GLRX5: variants seen among roughly 807,000 people sequenced by gnomAD.
GLRX5 encodes the protein glutaredoxin 5.
Under a neutral mutation model 13.8 loss-of-function variants are expected in GLRX5, and 10 were observed. That is an observed-to-expected ratio of 0.72 (90% confidence interval 0.45 to 1.23). The LOEUF (loss-of-function observed/expected upper bound fraction) is 1.23. Among genes scored for constraint, GLRX5 ranks in the 50% most tolerant of loss-of-function variants. GLRX5 has a pLI of 0.00. For synonymous variants in GLRX5, 98 were observed against 101.1 expected (o/e 0.97, Z 0.18); for missense variants, 233 against 215.2 (o/e 1.08, Z -0.52).
At chr14:95,538,926 G>A (rs1233871706) in intron 1 of GLRX5, among the ~76,000 whole-genome samples, 1 of 152,212 alleles carries the variant, frequency 6.6e-6, no homozygotes, top group East Asian at 1.9e-4. Flanking sequence ...CCTAGAGACT[G>A]ACTTCTGCAT....
chr14:95,536,571 C>A (rs894221909), intron 1 of GLRX5, among the ~76,000 whole-genome samples: 1 of 152,166 alleles, frequency 6.6e-6, no homozygotes, highest in Non-Finnish European at 1.5e-5. Context: ...TCTTCTGTGG[C>A]TAATCAGGTG....
chr14:95,542,895 T>C, intron 1 of GLRX5: 1 of 379,230 alleles, frequency 2.6e-6, no homozygotes, highest in Non-Finnish European at 5.4e-6. Context: ...GGAAGTAGAC[T>C]GATGAAGAGG....
intron 1 of GLRX5, among the ~76,000 whole-genome samples, chr14:95,536,700 A>C (rs1891387405): frequency 6.6e-6 from 1 of 152,164 alleles, no homozygotes; most frequent in African/African-American, 2.4e-5. Context: ...CACAGAAAGC[A>C]CCCGGTAAAT....
chr14:95,538,736 G>C (rs1454359576), intron 1 of GLRX5, among the ~76,000 whole-genome samples: 1 of 152,204 alleles, frequency 6.6e-6, no homozygotes, highest in Non-Finnish European at 1.5e-5. Context: ...AGGCTTTGTG[G>C]GCTGTGTGGT....
chr14:95,536,665 A>G (rs1346713829), intron 1 of GLRX5, among the ~76,000 whole-genome samples: 1 of 152,244 alleles, frequency 6.6e-6, no homozygotes, highest in African/African-American at 2.4e-5. Flanking sequence ...TAAAAATTAT[A>G]GAAAGTGTGT....
intron 1 of GLRX5, among the ~76,000 whole-genome samples, chr14:95,535,762 G>A (rs1035681505): frequency 3.3e-5 from 5 of 152,312 alleles, no homozygotes; most frequent in South Asian, 2.1e-4. Context: ...TCATAGTAAG[G>A]ACCCACTGTG....
At chr14:95,538,007 A>G (rs1341166239) in intron 1 of GLRX5, among the ~76,000 whole-genome samples, 1 of 152,230 alleles carries the variant, frequency 6.6e-6, no homozygotes, top group Non-Finnish European at 1.5e-5. Flanking sequence ...TCATGGAAGC[A>G]ATGTAGAAAA....
intron 1 of GLRX5, among the ~76,000 whole-genome samples, chr14:95,539,018 C>T (rs989529018): frequency 6.6e-6 from 1 of 152,206 alleles, no homozygotes; most frequent in Non-Finnish European, 1.5e-5. Context: ...GGTAAGTGAG[C>T]TTTACCGCCT....
intron 1 of GLRX5, among the ~76,000 whole-genome samples, chr14:95,538,186 C>T (rs1259902136): frequency 1.3e-5 from 2 of 151,984 alleles, no homozygotes; most frequent in African/African-American, 2.4e-5. Context: ...TATGCCACTG[C>T]CTGTGGTGCT....
intron 1 of GLRX5, 167 bp from the exon 2 acceptor site, chr14:95,543,780 G>T: frequency 1.5e-6 from 1 of 656,690 alleles, no homozygotes; most frequent in Non-Finnish European, 2.8e-6. Flanking sequence ...TGGTCTCTTT[G>T]ACACAAAAAC....
Position 95,535,347 on chromosome 14 carries a change from G to A in GLRX5, c.258G>A (p.Ala86=). The A allele has an allele frequency of 6.4e-7, 1 of 1,553,490 alleles. No homozygotes were observed. Among genetic ancestry groups the A allele is most frequent in the Non-Finnish European group, 8.7e-7 (1 of 1,148,790 alleles). ...GGCTGCACGGCGTCCGCGATTACGC[G>A]GCCTACAACGTGCTGGACGACCCGG... is the stretch of plus-strand genomic sequence containing the variant. ...ILRLHGVRDY[A]AYNVLDDPEL... The change falls in exon 1 of 2, where the codon GCG becomes GCA. Residue 86 remains alanine (A), a synonymous_variant. Transcript: ENST00000331334.
rs1417253611 is a variant in GLRX5 at position 95,544,021 on chromosome 14, A to G, written c.370A>G (p.Ile124Val). Residue 124 changes from isoleucine to valine, a missense_variant, in exon 2 of 2, where the codon ATT becomes GTT. By Grantham distance (29) the Ile-to-Val change is conservative. Transcript: ENST00000331334. The part of the protein sequence containing the change: ...LNGEFVGGCD[I>V]LLQMHQNGDL... ...TGGCGAGTTTGTAGGGGGCTGTGAC[A>G]TTCTTCTGCAGATGCACCAGAATGG... 2 of 1,614,106 alleles carry G rather than the reference A, an allele frequency of 1.2e-6. No individual in the cohort carries two copies. Among genetic ancestry groups the G allele is most frequent in the East Asian group, 2.2e-5 (1 of 44,890 alleles).
At chr14:95,540,198 C>T (rs191270432) in intron 1 of GLRX5, among the ~76,000 whole-genome samples, 1 of 152,102 alleles carries the variant, frequency 6.6e-6, no homozygotes, top group African/African-American at 2.4e-5. Context: ...GCCTGAATGG[C>T]GTTTTCATTA....
In GLRX5 at chr14:95,535,159, C is replaced by A; in HGVS notation, c.70C>A (p.Leu24Ile). The change falls in exon 1 of 2, where the codon CTT becomes ATT. Residue 24 changes from leucine (L) to isoleucine (I), a missense_variant. Physicochemically the swap from Leu to Ile is conservative, Grantham distance 5. Transcript: ENST00000331334. ...RWGRGAGGGG[L>I]WGPGVRAAGS... The stretch of plus-strand genomic sequence containing the variant: ...GGGGCGCGGCGCGGGCGGCGGTGGC[C>A]TTTGGGGTCCGGGCGTGCGGGCGGC... The A allele has an allele frequency of 7.1e-7, 1 of 1,401,104 alleles. No individual in the cohort carries two copies. The highest frequency in any genetic ancestry group is 1.5e-5 in the South Asian group (1 of 65,688). The allele number at this position is 1,401,104 out of a possible 1,614,324, so 86.8% of individuals were successfully genotyped here. A position where few individuals can be genotyped will look rare whatever the true frequency, so the allele number is the denominator to read the frequency against.
At chr14:95,539,289 C>T (rs1052174845) in intron 1 of GLRX5, among the ~76,000 whole-genome samples, 7 of 152,114 alleles carry the variant, frequency 4.6e-5, no homozygotes, top group Non-Finnish European at 1.0e-4. Context: ...TGTGTTGGCG[C>T]GTTCATTGCA....
At chr14:95,541,956 G>C (rs1026892126) in intron 1 of GLRX5, among the ~76,000 whole-genome samples, 2 of 152,096 alleles carry the variant, frequency 1.3e-5, no homozygotes, top group African/African-American at 4.8e-5. Context: ...AAAACAGGTC[G>C]TTCATGCACA....
Position 95,544,103 on chromosome 14 carries a change from A to G in GLRX5, c.452A>G (p.Lys151Arg). Residue 151 changes from lysine to arginine, a missense_variant, in exon 2 of 2, where the codon AAG becomes AGG. Coordinates refer to ENST00000331334, the MANE Select transcript of GLRX5 (RefSeq NM_016417.3). ...LGIHSALLDE[K>R]KDQDSK ...ATCCACTCCGCCCTTTTAGATGAAA[A>G]GAAAGACCAAGACTCCAAGTGAGGG... 6.2e-7 allele frequency: 1 copy of G among 1,614,130 alleles called. No homozygotes were observed. Among genetic ancestry groups the G allele is most frequent in the Non-Finnish European group, 8.5e-7 (1 of 1,180,000 alleles).
intron 1 of GLRX5, among the ~76,000 whole-genome samples, chr14:95,541,847 A>G (rs1364838407): frequency 6.6e-6 from 1 of 152,184 alleles, no homozygotes; most frequent in Non-Finnish European, 1.5e-5. Flanking sequence ...AAACATTTCC[A>G]TTTTTGGTGT....
chr14:95,535,269 G>T lies in GLRX5; in HGVS notation c.180G>T (p.Gly60=), dbSNP rs558960545. The T allele has an allele frequency of 6.4e-7, 1 of 1,571,518 alleles. No individual in the cohort carries two copies. The highest frequency in any genetic ancestry group is 1.3e-5 in the African/African-American group (1 of 74,548). Residue 60 remains glycine, a synonymous_variant, in exon 1 of 2, where the codon GGG becomes GGT. Coordinates refer to ENST00000331334, the MANE Select transcript of GLRX5 (RefSeq NM_016417.3). ...ACAAGGTGGTGGTCTTCCTCAAGGGGACGCCGGAGCAGCCCCAGTGCGGCT... is the reference window on the plus strand; with the variant it reads ...ACAAGGTGGTGGTCTTCCTCAAGGGTACGCCGGAGCAGCCCCAGTGCGGCT... ...KKDKVVVFLK[G]TPEQPQCGFS...
Sources: allele counts gnomAD v4.1 joint callset (sites outside exome capture counted in the v4.1 genomes callset), GRCh38; gene constraint gnomAD v4.1.1; transcripts MANE v1.5; gene names NCBI Gene and HGNC (gene_info 2026-07-23, HGNC 2026-07-21).